Variants in PIK3CA observed in about 807,000 individuals in gnomAD.
The protein encoded by PIK3CA is phosphatidylinositol 4,5-bisphosphate 3-kinase catalytic subunit alpha isoform.
Under a neutral mutation model 138.2 loss-of-function variants are expected in PIK3CA, and 27 were observed. The ratio of observed to expected loss-of-function variants is 0.20; its 90% CI spans 0.14 to 0.27. PIK3CA has a LOEUF of 0.27. Ranked by LOEUF, PIK3CA falls within the 10% of genes least tolerant of loss-of-function variation. The probability of loss-of-function intolerance (pLI) is 1.00; values close to 1 mark genes in which losing one functional copy is unlikely to be tolerated. For missense variants in PIK3CA, 544 were observed against 1,277.4 expected, an observed-to-expected ratio of 0.43 and a Z score of 8.75; for synonymous variants, 358 against 413.2, an observed-to-expected ratio of 0.87 and a Z score of 1.62.
chr3:179,172,755 T>C (rs1436941416), intron 1 of PIK3CA, among the ~76,000 whole-genome samples: 4 of 152,166 alleles, frequency 2.6e-5, no homozygotes, highest in East Asian at 1.9e-4. Flanking sequence ...TATTCATGAA[T>C]TGGTACACTA....
At position 179,201,374 on chromosome 3, in the gene PIK3CA, T is replaced by C. The variant is rs1236123346; in HGVS notation, c.647T>C (p.Val216Ala). ...ACTCTGAAAATCAACCATGACTGTG[T>C]ACCAGAACAAGTAATTGCTGAAGCA... The part of the protein sequence containing the change: ...KYTLKINHDC[V>A]PEQVIAEAIR... The change falls in exon 4 of 21, where the codon GTA (valine) becomes GCA (alanine). Residue 216 changes from valine to alanine, a missense_variant. Coordinates refer to ENST00000263967, the MANE Select transcript of PIK3CA (RefSeq NM_006218.4). 3 of 1,613,542 alleles carry C rather than the reference T, an allele frequency of 1.9e-6. No individual in the cohort carries two copies. Among genetic ancestry groups the C allele is most frequent in the Non-Finnish European group, 2.5e-6 (3 of 1,179,774 alleles).
chr3:179,208,549 C>T (rs750616680), intron 6 of PIK3CA, among the ~76,000 whole-genome samples: 3 of 152,178 alleles, frequency 2.0e-5, no homozygotes, highest in Non-Finnish European at 4.4e-5. Flanking sequence ...TAAGATTCTA[C>T]TCCAGTCTGA....
chr3:179,187,927 A>G (rs866051427), intron 1 of PIK3CA, among the ~76,000 whole-genome samples: 1 of 152,218 alleles, frequency 6.6e-6, no homozygotes, highest in Middle Eastern at 3.4e-3. Flanking sequence ...ATGAGCCACC[A>G]TGCCCGACCC....
rs2108387728 is a variant in PIK3CA at position 179,199,836 on chromosome 3, T to C, written c.499T>C (p.Tyr167His). 6.2e-7 allele frequency: 1 copy of C among 1,612,784 alleles called. No individual in the cohort carries two copies. Among genetic ancestry groups the C allele is most frequent in the Non-Finnish European group, 8.5e-7 (1 of 1,178,876 alleles). Residue 167 changes from tyrosine (Y) to histidine (H), a missense_variant, in exon 3 of 21, where the codon TAT (tyrosine) becomes CAT (histidine). Coordinates refer to ENST00000263967, the MANE Select transcript of PIK3CA (RefSeq NM_006218.4). ...NSPHSRAMYV[Y>H]PPNVESSPEL... Reference sequence around the variant, plus strand: ...ACCTCATAGTAGAGCAATGTATGTCTATCCTCCAAATGTAGAATCTTCACC... The same window carrying C: ...ACCTCATAGTAGAGCAATGTATGTCCATCCTCCAAATGTAGAATCTTCACC...
chr3:179,169,052 T>C (rs1315993892), intron 1 of PIK3CA: 5 of 152,202 alleles, frequency 3.3e-5, no homozygotes, highest in South Asian at 2.1e-4. Flanking sequence ...TCAACAATCA[T>C]GGACTATCAT....
intron 4 of PIK3CA, among the ~76,000 whole-genome samples, 153 bp downstream of exon 4, chr3:179,201,693 C>T (rs1313709592): frequency 6.7e-6 from 1 of 149,338 alleles, no homozygotes; most frequent in Non-Finnish European, 1.5e-5. Flanking sequence ...GCAGGCTCTG[C>T]CTCCTGGGTT....
Position 179,204,586 on chromosome 3 carries a change from C to T in PIK3CA, c.1143C>T (p.Pro381=). 1 of 1,450,276 alleles carries T rather than the reference C, an allele frequency of 6.9e-7. No homozygotes were observed. Among genetic ancestry groups the T allele is most frequent in the Non-Finnish European group, 9.7e-7 (1 of 1,031,240 alleles). The allele number at this position is 1,450,276 out of a possible 1,614,324, so 89.8% of individuals were successfully genotyped here. Residue 381 remains proline (P), a splice_region_variant and synonymous_variant, in exon 6 of 21, where the codon CCC becomes CCT. Coordinates refer to ENST00000263967, the MANE Select transcript of PIK3CA (RefSeq NM_006218.4). ...VNTQRVPCSN[P]RWNEWLNYDI... ...CTCAAAGAGTACCTTGTTCCAATCC[C>T]AGGTAAGGAAGTATATAGATTTATA...
rs559278720 is a variant in PIK3CA, at chr3:179,236,696, T to C, written c.*2332T>C. The C allele has an allele frequency of 2.5e-4, 56 of 225,580 alleles. No individual in the cohort carries two copies. The highest frequency in any genetic ancestry group is 4.4e-4 in the Non-Finnish European group (49 of 112,084). The allele number at this position is 225,580 out of a possible 1,614,324, so 14.0% of individuals were successfully genotyped here. A position where few individuals can be genotyped will look rare whatever the true frequency, so the allele number is the denominator to read the frequency against. Reference sequence around the variant, plus strand: ...AAATGCACAAACCACATGGCCGATTTCACCATTTACATTTATTTTCAAAAG... The same window carrying C: ...AAATGCACAAACCACATGGCCGATTCCACCATTTACATTTATTTTCAAAAG... On this transcript the variant is annotated 3_prime_UTR_variant, in exon 21 of 21. Coordinates refer to ENST00000263967, the MANE Select transcript of PIK3CA (RefSeq NM_006218.4).
At chr3:179,194,369 A>G (rs1394681790) in intron 1 of PIK3CA, among the ~76,000 whole-genome samples, 5 of 152,092 alleles carry the variant, frequency 3.3e-5, no homozygotes. Flanking sequence ...GACCATAGGC[A>G]TGTGCCACCA....
chr3:179,153,255 G>T (rs1294583909), intron 1 of PIK3CA, among the ~76,000 whole-genome samples: 1 of 152,086 alleles, frequency 6.6e-6, no homozygotes, highest in Non-Finnish European at 1.5e-5. Context: ...CTCTACTTGG[G>T]AACTGTGTTT....
At chr3:179,213,166 C>A (rs565566420) in intron 9 of PIK3CA, among the ~76,000 whole-genome samples, 7 of 152,182 alleles carry the variant, frequency 4.6e-5, no homozygotes, top group African/African-American at 1.7e-4. Flanking sequence ...GAGATGATAA[C>A]CTTGAAGTTG....
At chr3:179,167,329 A>T (rs1723445229) in intron 1 of PIK3CA, among the ~76,000 whole-genome samples, 2 of 152,074 alleles carry the variant, frequency 1.3e-5, no homozygotes. Flanking sequence ...TACCATGTTT[A>T]ATCAGTATCT....
At position 179,210,316 on chromosome 3, in the gene PIK3CA, T is replaced by C. The variant is rs2108400769; in HGVS notation, c.1382T>C (p.Val461Ala). 6.3e-7 allele frequency: 1 copy of C among 1,586,752 alleles called. No homozygotes were observed. Residue 461 changes from valine (V) to alanine (A), a missense_variant, in exon 8 of 21, where the codon GTT (valine) becomes GCT (alanine). Transcript: ENST00000263967. ...GLEDLLNPIG[V>A]TGSNPNKETP... ...GAAGATTTGCTGAACCCTATTGGTGTTACTGGATCAAATCCAAATAAAGTA... is the reference window on the plus strand; with the variant it reads ...GAAGATTTGCTGAACCCTATTGGTGCTACTGGATCAAATCCAAATAAAGTA...
At chr3:179,153,011 G>A (rs1723050353) in intron 1 of PIK3CA, among the ~76,000 whole-genome samples, 1 of 152,002 alleles carries the variant, frequency 6.6e-6, no homozygotes, top group South Asian at 2.1e-4. Flanking sequence ...TCTAAAAAAA[G>A]GAAACAAAAT....
At chr3:179,172,906 T>G (rs1422456987) in intron 1 of PIK3CA, among the ~76,000 whole-genome samples, 2 of 152,202 alleles carry the variant, frequency 1.3e-5, no homozygotes, top group Non-Finnish European at 2.9e-5. Flanking sequence ...GTACCTGATT[T>G]GTACTTGCTA....
At chr3:179,149,349 A>G (rs374519780) in intron 1 of PIK3CA, among the ~76,000 whole-genome samples, 4 of 152,136 alleles carry the variant, frequency 2.6e-5, no homozygotes, top group East Asian at 1.9e-4. Flanking sequence ...GGATTGGGCT[A>G]TGTAAACACC....
chr3:179,195,621 A>G (rs1576930461), intron 1 of PIK3CA, among the ~76,000 whole-genome samples: 1 of 152,118 alleles, frequency 6.6e-6, no homozygotes, highest in African/African-American at 2.4e-5. Flanking sequence ...CTTATTCACT[A>G]CTGGGGAATA....
At chr3:179,170,114 A>C (rs1037831076) in intron 1 of PIK3CA, among the ~76,000 whole-genome samples, 3 of 152,106 alleles carry the variant, frequency 2.0e-5, no homozygotes, top group Non-Finnish European at 4.4e-5. Flanking sequence ...TTAGTAAAAT[A>C]GGGATAGAAA....
intron 3 of PIK3CA, 111 bp downstream of exon 3, chr3:179,200,010 GA>G: frequency 1.6e-6 from 1 of 628,948 alleles, no homozygotes; most frequent in Non-Finnish European, 2.7e-6. Flanking sequence ...TAAGCTTCTT[GA>G]AGGCAGGGAC....
Sources: allele counts gnomAD v4.1 joint callset (sites outside exome capture counted in the v4.1 genomes callset), GRCh38; gene constraint gnomAD v4.1.1; transcripts MANE v1.5; gene names NCBI Gene and HGNC (gene_info 2026-07-23, HGNC 2026-07-21).